The following CHRM3 variants were observed in gnomAD, a reference collection of about 807,000 sequenced individuals.
The protein encoded by CHRM3 is cholinergic receptor muscarinic 3, also known as muscarinic acetylcholine receptor M3.
CHRM3 carries 11 observed loss-of-function variants against 41.8 expected under a neutral mutation model. The ratio of observed to expected loss-of-function variants is 0.26; its 90% CI spans 0.17 to 0.44. The LOEUF (loss-of-function observed/expected upper bound fraction) is 0.44, where lower values mean the gene tolerates loss of function less well. CHRM3 is among the 20% of genes least tolerant of loss of function. The pLI is 1.00. For synonymous variants in CHRM3, 297 were observed against 301.4 expected (o/e 0.99, Z 0.15); for missense variants, 571 against 745.4 (o/e 0.77, Z 2.72).
intron 1 of CHRM3, among the ~76,000 whole-genome samples, chr1:239,424,054 C>CAA (rs772980892): frequency 2.0e-4 from 16 of 78,856 alleles, no homozygotes; most frequent in African/African-American, 4.7e-4. Flanking sequence ...GACTCTGTCT[C>CAA]AAAAAAAAAA....
chr1:239,640,364 A>G lies in CHRM3; in HGVS notation c.-250+8078A>G, dbSNP rs12132142. Among the ~76,000 whole-genome samples the G allele has an allele frequency of 2.5e-3, 383 of 152,184 alleles. 1 individual carries two copies. The highest frequency in any genetic ancestry group is 0.017 in the Middle Eastern group (5 of 294). Reference sequence around the variant, plus strand: ...GGTACCAGTTCCTCCTTTTACCTCTAGTAGAATTCGGCTGTGAATCCATCT... The same window carrying G: ...GGTACCAGTTCCTCCTTTTACCTCTGGTAGAATTCGGCTGTGAATCCATCT... On this transcript the variant is annotated intron_variant, in intron 4 of 6. Transcript: ENST00000676153.
chr1:239,464,010 C>A (rs1572390110), intron 1 of CHRM3, among the ~76,000 whole-genome samples: 1 of 152,284 alleles, frequency 6.6e-6, no homozygotes, highest in East Asian at 1.9e-4. Flanking sequence ...GGCATGGTGG[C>A]TCACGCCTGT....
intron 2 of CHRM3, among the ~76,000 whole-genome samples, chr1:239,536,540 A>T (rs760425160): frequency 1.3e-5 from 2 of 152,244 alleles, no homozygotes; most frequent in East Asian, 1.9e-4. Flanking sequence ...GTGCATAACC[A>T]AGATATTAGT....
Position 239,907,700 on chromosome 1 carries a change from C to A in CHRM3, c.249C>A (p.Ile83=). The change falls in exon 7 of 7, where the codon ATC becomes ATA. Residue 83 remains isoleucine (I), a synonymous_variant. Transcript: ENST00000676153. The surrounding 1 kb of genome is among the most constrained non-coding windows in gnomAD (Gnocchi z 5.4). ...CGGGCATCCTGGCCTTGGTGACCAT[C>A]ATCGGCAACATCCTGGTAATTGTGT... ...FLTGILALVT[I]IGNILVIVSF... 6.2e-7 allele frequency: 1 copy of A among 1,614,228 alleles called. No individual in the cohort carries two copies. Among genetic ancestry groups the A allele is most frequent in the Non-Finnish European group, 8.5e-7 (1 of 1,180,044 alleles).
intron 3 of CHRM3, among the ~76,000 whole-genome samples, chr1:239,564,602 C>T (rs1661177215): frequency 6.6e-6 from 1 of 152,080 alleles, no homozygotes; most frequent in Admixed American, 6.6e-5. Flanking sequence ...TTTCCTGTCT[C>T]GTGGTTATTA....
intron 5 of CHRM3, among the ~76,000 whole-genome samples, chr1:239,777,414 A>G (rs1261421720): frequency 6.6e-6 from 1 of 152,246 alleles, no homozygotes; most frequent in East Asian, 1.9e-4. Flanking sequence ...CTTAATAACT[A>G]TAAAAATGAA....
At chr1:239,620,645 T>C (rs780815676) in intron 3 of CHRM3, among the ~76,000 whole-genome samples, 2 of 152,100 alleles carry the variant, frequency 1.3e-5, no homozygotes, top group Non-Finnish European at 2.9e-5. Context: ...ATCATAATTT[T>C]AGGAATATAG....
intron 5 of CHRM3, among the ~76,000 whole-genome samples, chr1:239,813,916 C>A (rs1307807271): frequency 2.6e-4 from 27 of 103,200 alleles, no homozygotes; most frequent in African/African-American, 9.7e-4. Flanking sequence ...GACTCCGTCT[C>A]AAAAAAAAAA....
At chr1:239,401,624 C>T (rs6658733) in intron 1 of CHRM3, among the ~76,000 whole-genome samples, 13 of 151,916 alleles carry the variant, frequency 8.6e-5, no homozygotes, top group Non-Finnish European at 1.0e-4. Context: ...CTGAGTAGCC[C>T]GGACTACAGG....
chr1:239,749,102 T>C (rs1665598536), intron 5 of CHRM3, among the ~76,000 whole-genome samples: 1 of 152,216 alleles, frequency 6.6e-6, no homozygotes, highest in Non-Finnish European at 1.5e-5. Flanking sequence ...TCTCCTCTCA[T>C]TTTTGCCTTC....
intron 1 of CHRM3, among the ~76,000 whole-genome samples, chr1:239,437,191 G>A (rs759482554): frequency 1.3e-5 from 2 of 152,132 alleles, no homozygotes; most frequent in Admixed American, 6.5e-5. Context: ...ACAGCTCACT[G>A]CATCCTCCAC....
At chr1:239,633,707 A>T (rs1205728600) in intron 4 of CHRM3, among the ~76,000 whole-genome samples, 4 of 152,082 alleles carry the variant, frequency 2.6e-5, no homozygotes, top group Non-Finnish European at 5.9e-5. Flanking sequence ...TCTATCAGGA[A>T]GTCACACCCC....
Position 239,570,198 on chromosome 1 carries a change from A to C in CHRM3, c.-313+24449A>C, listed in dbSNP as rs144323480. On this transcript the variant is annotated intron_variant, in intron 3 of 6. Coordinates refer to ENST00000676153, the MANE Select transcript of CHRM3 (RefSeq NM_001375978.1). ...TTCTTGTGACAGTGAGTGAATTATCATGAGATCTGATGGTTTTATAAATGG... is the reference window on the plus strand; with the variant it reads ...TTCTTGTGACAGTGAGTGAATTATCCTGAGATCTGATGGTTTTATAAATGG... Among the ~76,000 whole-genome samples the C allele has an allele frequency of 2.0e-3, 308 of 152,206 alleles. 1 individual carries two copies. Among genetic ancestry groups the C allele is most frequent in the African/African-American group, 7.1e-3 (294 of 41,536 alleles).
At chr1:239,739,756 G>A (rs1336072788) in intron 5 of CHRM3, among the ~76,000 whole-genome samples, 1 of 152,064 alleles carries the variant, frequency 6.6e-6, no homozygotes. Flanking sequence ...TAATGAAAAT[G>A]ATATCAAAAG....
intron 3 of CHRM3, among the ~76,000 whole-genome samples, chr1:239,589,165 C>T (rs1357470383): frequency 6.6e-6 from 1 of 152,016 alleles, no homozygotes; most frequent in Non-Finnish European, 1.5e-5. Flanking sequence ...AGCTCCTGAC[C>T]TCAAGTGATC....
At chr1:239,825,665 A>G (rs1199492824) in intron 5 of CHRM3, among the ~76,000 whole-genome samples, 1 of 152,240 alleles carries the variant, frequency 6.6e-6, no homozygotes, top group Non-Finnish European at 1.5e-5. Flanking sequence ...AAAATGTAAT[A>G]TACACATACA....
At chr1:239,442,501 A>C (rs1003368224) in intron 1 of CHRM3, among the ~76,000 whole-genome samples, 19 of 151,908 alleles carry the variant, frequency 1.3e-4, no homozygotes, top group African/African-American at 4.4e-4. Context: ...GAAAGATGTG[A>C]ACTGTCTCTG....
chr1:239,406,218 T>C (rs912127942), intron 1 of CHRM3, among the ~76,000 whole-genome samples: 35 of 152,308 alleles, frequency 2.3e-4, no homozygotes, highest in African/African-American at 8.4e-4. Flanking sequence ...ACATGTATTT[T>C]GTAAATTAAC....
intron 2 of CHRM3, among the ~76,000 whole-genome samples, chr1:239,504,764 G>A (rs963904982): frequency 1.3e-5 from 2 of 152,112 alleles, no homozygotes; most frequent in African/African-American, 4.8e-5. Context: ...CATTTGTGGT[G>A]ACCTGGATGA....
Sources: allele counts gnomAD v4.1 joint callset (sites outside exome capture counted in the v4.1 genomes callset), GRCh38; gene constraint gnomAD v4.1.1; non-coding constraint Gnocchi (gnomAD v3.1); transcripts MANE v1.5; gene names NCBI Gene and HGNC (gene_info 2026-07-23, HGNC 2026-07-21).